Variants in COL4A5 observed in about 807,000 individuals in gnomAD.
COL4A5 encodes collagen alpha-5(IV) chain.
In COL4A5, 26 loss-of-function variants were observed where a neutral mutation model predicts 130.2. The observed-to-expected ratio is 0.20, with a 90% CI of 0.15 to 0.28. The LOEUF (loss-of-function observed/expected upper bound fraction) is 0.28. Ranked by LOEUF, COL4A5 falls within the 10% of genes least tolerant of loss-of-function variation. The pLI is 1.00. For missense variants in COL4A5, 1,131 were observed against 1,344.3 expected (o/e 0.84, Z 2.48); for synonymous variants, 496 against 439.6 (o/e 1.13, Z -1.60).
chrX:108,529,078 C>G (rs1342493772), intron 1 of COL4A5, among the ~76,000 whole-genome samples: 1 of 111,441 alleles, frequency 9.0e-6, no homozygotes, highest in Non-Finnish European at 1.9e-5. Flanking sequence ...AGTGTCTAGT[C>G]ACTTCTAAAT....
At chrX:108,640,534 A>G (rs2067442453) in intron 36 of COL4A5, among the ~76,000 whole-genome samples, 1 of 111,319 alleles carries the variant, frequency 9.0e-6, no homozygotes, top group African/African-American at 3.3e-5. Context: ...GTAGATCTTA[A>G]TTGCTTTCAC....
At chrX:108,465,377 T>C (rs1222966987) in intron 1 of COL4A5, among the ~76,000 whole-genome samples, 1 of 112,143 alleles carries the variant, frequency 8.9e-6, no homozygotes, top group Non-Finnish European at 1.9e-5. Context: ...TTATTGGCCA[T>C]TCAAATATCT....
rs1341565745 is a variant in COL4A5 at position 108,542,542 on chromosome X, A to G, written c.141+2737A>G. Among the ~76,000 whole-genome samples the G allele has an allele frequency of 2.7e-5, 3 of 110,620 alleles. No individual in the cohort carries two copies. The East Asian group carries it at 8.5e-4, about 31-fold the overall frequency. On this transcript the variant is annotated intron_variant, in intron 2 of 52. Transcript: ENST00000328300. ...TTTGGGTTGGTTCCAAGTCTTTGCT[A>G]TTGTGAATAGTGCCGCAATAAATAT...
chrX:108,611,592 G>T (rs1000596149), intron 29 of COL4A5, among the ~76,000 whole-genome samples: 1 of 111,344 alleles, frequency 9.0e-6, no homozygotes, highest in Admixed American at 9.5e-5. Flanking sequence ...GACATAAATT[G>T]TTGAAGCTCA....
chrX:108,479,348 A>G (rs757230738), intron 1 of COL4A5, among the ~76,000 whole-genome samples: 7 of 112,472 alleles, frequency 6.2e-5, no homozygotes, highest in Non-Finnish European at 1.3e-4. Flanking sequence ...GAATCAGTAT[A>G]CAATCGCACA....
At chrX:108,528,926 G>A (rs1471356187) in intron 1 of COL4A5, among the ~76,000 whole-genome samples, 1 of 112,047 alleles carries the variant, frequency 8.9e-6, no homozygotes, top group Non-Finnish European at 1.9e-5. Flanking sequence ...CCCAAGTCTA[G>A]TGAGAGATTT....
chrX:108,685,995 C>G, intron 47 of COL4A5, 36 bp from the exon 48 acceptor site: 1 of 1,059,116 alleles, frequency 9.4e-7, no homozygotes, highest in Non-Finnish European at 1.3e-6. Context: ...TGAAAATATT[C>G]TACTCATATT....
intron 1 of COL4A5, among the ~76,000 whole-genome samples, chrX:108,527,490 A>C: frequency 8.9e-6 from 1 of 112,034 alleles, no homozygotes; most frequent in Admixed American, 9.4e-5. Flanking sequence ...TCTATATTTT[A>C]AATGCCACAG....
intron 36 of COL4A5, among the ~76,000 whole-genome samples, chrX:108,647,708 G>A (rs1385178018): frequency 9.0e-6 from 1 of 111,616 alleles, no homozygotes; most frequent in Admixed American, 9.5e-5. Context: ...GTATGATATT[G>A]GCTGTGAGTT....
At chrX:108,482,248 C>T (rs2064899240) in intron 1 of COL4A5, among the ~76,000 whole-genome samples, 1 of 111,490 alleles carries the variant, frequency 9.0e-6, no homozygotes, top group Non-Finnish European at 1.9e-5. Flanking sequence ...TAGTGTAGTG[C>T]ACCTCCTCAT....
intron 28 of COL4A5, among the ~76,000 whole-genome samples, chrX:108,604,587 G>C (rs1472134219): frequency 8.9e-6 from 1 of 112,000 alleles, no homozygotes; most frequent in African/African-American, 3.2e-5. Flanking sequence ...AGAATTTTTA[G>C]AATGGTACAT....
intron 2 of COL4A5, among the ~76,000 whole-genome samples, chrX:108,542,059 G>T (rs1021803239): frequency 8.9e-6 from 1 of 111,778 alleles, no homozygotes; most frequent in Admixed American, 9.5e-5. Flanking sequence ...CTCATGATGC[G>T]TGACCAAATA....
At chrX:108,678,099 A>G (rs2068344036) in intron 44 of COL4A5, among the ~76,000 whole-genome samples, 1 of 111,571 alleles carries the variant, frequency 9.0e-6, no homozygotes, top group Non-Finnish European at 1.9e-5. Context: ...GTCTTCACCT[A>G]TAAAAAGAGA....
rs893084500 is a variant in COL4A5 at position 108,575,941 on chromosome X, C to T, written c.578C>T (p.Pro193Leu). ...CCTGGTCCCACTGGTATACCAGGGC[C>T]AATTGGTCCCCCAGGACCACCAGGT... The part of the protein sequence containing the change: ...GLPGPTGIPG[P>L]IGPPGPPGLM... Residue 193 changes from proline to leucine, a missense_variant, in exon 10 of 53, where the codon CCA becomes CTA. Physicochemically the swap from Pro to Leu is moderately conservative, Grantham distance 98 (BLOSUM62 -3). Coordinates refer to ENST00000328300, the MANE Select transcript of COL4A5 (RefSeq NM_033380.3). The T allele has an allele frequency of 1.7e-6, 2 of 1,191,139 alleles. No homozygotes were observed. Among genetic ancestry groups the T allele is most frequent in the African/African-American group, 3.5e-5 (2 of 56,590 alleles).
chrX:108,661,433 T>A (rs1056999631), intron 37 of COL4A5, among the ~76,000 whole-genome samples: 1 of 112,108 alleles, frequency 8.9e-6, no homozygotes, highest in Non-Finnish European at 1.9e-5. Flanking sequence ...TTGGTTCTTT[T>A]AAGAGTTATC....
chrX:108,675,731 G>A (rs1428142005), intron 43 of COL4A5, among the ~76,000 whole-genome samples: 1 of 111,337 alleles, frequency 9.0e-6, no homozygotes, highest in Non-Finnish European at 1.9e-5. Context: ...AGAAATACCT[G>A]AAAGATTAAA....
chrX:108,571,756 T>G, intron 7 of COL4A5, 55 bp from the exon 8 acceptor site: 2 of 892,677 alleles, frequency 2.2e-6, no homozygotes, highest in African/African-American at 1.9e-5. Context: ...CATTCTGTAA[T>G]TGGCGTGTTT....
At chrX:108,561,364 A>G (rs145514749) in intron 3 of COL4A5, among the ~76,000 whole-genome samples, 2 of 111,498 alleles carry the variant, frequency 1.8e-5, no homozygotes, top group Non-Finnish European at 3.8e-5. Context: ...ATCTGGAGGT[A>G]GTCTCAACCT....
At chrX:108,505,598 C>A (rs1048759499) in intron 1 of COL4A5, among the ~76,000 whole-genome samples, 1 of 111,183 alleles carries the variant, frequency 9.0e-6, no homozygotes, top group Non-Finnish European at 1.9e-5. Flanking sequence ...AAAAGAGACA[C>A]CAGAGAGTTC....
Sources: allele counts gnomAD v4.1 joint callset (sites outside exome capture counted in the v4.1 genomes callset), GRCh38; gene constraint gnomAD v4.1.1; transcripts MANE v1.5; gene names NCBI Gene and HGNC (gene_info 2026-07-23, HGNC 2026-07-21).